The following KRCC1 variants were observed in gnomAD, a reference collection of about 807,000 sequenced individuals.
KRCC1 encodes the protein lysine-rich coiled-coil protein 1.
Under a neutral mutation model 7.4 loss-of-function variants are expected in KRCC1, and 3 were observed. That is an observed-to-expected ratio of 0.40 (90% CI 0.18 to 1.04). The LOEUF (loss-of-function observed/expected upper bound fraction) is 1.04, where lower values mean the gene tolerates loss of function less well. Among genes scored for constraint, KRCC1 ranks in the 50% least tolerant of loss-of-function variants. The pLI, the probability that KRCC1 is intolerant of heterozygous loss-of-function variation, is 0.33. For missense variants in KRCC1, 277 were observed against 300.9 expected (o/e 0.92, Z 0.59); for synonymous variants, 102 against 101.6 (o/e 1.00, Z -0.02).
intron 3 of KRCC1, among the ~76,000 whole-genome samples, chr2:88,033,220 C>T (rs1423909290): frequency 1.3e-5 from 2 of 152,010 alleles, no homozygotes; most frequent in East Asian, 2.0e-4. Flanking sequence ...CTCAATAATG[C>T]TGTTTTTACA....
chr2:88,054,464 G>C (rs538345992), intron 1 of KRCC1, among the ~76,000 whole-genome samples: 17 of 152,250 alleles, frequency 1.1e-4, no homozygotes, highest in Middle Eastern at 3.4e-3. Flanking sequence ...TCTTTCTCAA[G>C]GACCTGAAAG....
At chr2:88,038,067 C>T (rs1558833009) in intron 1 of KRCC1, among the ~76,000 whole-genome samples, 1 of 152,116 alleles carries the variant, frequency 6.6e-6, no homozygotes, top group Non-Finnish European at 1.5e-5. Context: ...TGGAGAAATG[C>T]CCATGATATA....
chr2:88,039,285 CTTAATA>C (rs1286824916), intron 1 of KRCC1, among the ~76,000 whole-genome samples: 3 of 152,162 alleles, frequency 2.0e-5, no homozygotes, highest in Non-Finnish European at 4.4e-5. Context: ...TCAAACTAAT[CTTAATA>C]TTAATGCCAG....
intron 3 of KRCC1, among the ~76,000 whole-genome samples, chr2:88,031,581 C>T (rs1672991775): frequency 6.6e-6 from 1 of 151,646 alleles, no homozygotes; most frequent in African/African-American, 2.4e-5. Context: ...GAGATCGTGC[C>T]ACTGCACTCC....
chr2:88,038,854 C>T (rs1673146772), intron 1 of KRCC1, among the ~76,000 whole-genome samples: 1 of 152,182 alleles, frequency 6.6e-6, no homozygotes, highest in Non-Finnish European at 1.5e-5. Flanking sequence ...GATTCAATTA[C>T]CTCCACCTGG....
At chr2:88,055,548 C>G (rs972445247) in intron 1 of KRCC1, 78 bp downstream of exon 1, 1 of 152,020 alleles carries the variant, frequency 6.6e-6, no homozygotes, top group East Asian at 2.0e-4. Context: ...GCGGGCTGGG[C>G]GCGCGAGGCC....
At chr2:88,032,283 C>T (rs1673009639) in intron 3 of KRCC1, among the ~76,000 whole-genome samples, 1 of 152,142 alleles carries the variant, frequency 6.6e-6, no homozygotes, top group African/African-American at 2.4e-5. Context: ...CTGCAAGCTC[C>T]TCCATTCATG....
intron 1 of KRCC1, among the ~76,000 whole-genome samples, chr2:88,053,958 T>C (rs1673556237): frequency 6.6e-6 from 1 of 152,184 alleles, no homozygotes. Context: ...ACTAAAAAAT[T>C]TGATACTGAA....
intron 1 of KRCC1, among the ~76,000 whole-genome samples, chr2:88,044,014 T>C (rs1244592869): frequency 1.3e-5 from 2 of 152,116 alleles, no homozygotes; most frequent in Non-Finnish European, 2.9e-5. Flanking sequence ...CTCTATGGGC[T>C]CAGTACAATT....
intron 1 of KRCC1, 116 bp from the exon 2 acceptor site, chr2:88,037,167 G>A (rs1673107733): frequency 6.6e-6 from 1 of 152,104 alleles, no homozygotes; most frequent in Admixed American, 6.5e-5. Flanking sequence ...CTGAGTGCTT[G>A]CAAGGCTAGA....
At chr2:88,049,924 C>T (rs1673432196) in intron 1 of KRCC1, among the ~76,000 whole-genome samples, 1 of 152,224 alleles carries the variant, frequency 6.6e-6, no homozygotes, top group African/African-American at 2.4e-5. Flanking sequence ...GTGCAGAGCA[C>T]ATATTTATGC....
chr2:88,045,103 A>C (rs1324074344), intron 1 of KRCC1, among the ~76,000 whole-genome samples: 1 of 151,814 alleles, frequency 6.6e-6, no homozygotes, highest in African/African-American at 2.4e-5. Flanking sequence ...GGGCTCAAGC[A>C]ATCTGGCCAT....
At chr2:88,050,908 A>AT (rs1168034880) in intron 1 of KRCC1, among the ~76,000 whole-genome samples, 1 of 134,832 alleles carries the variant, frequency 7.4e-6, no homozygotes, top group Non-Finnish European at 1.6e-5. Flanking sequence ...TATGCCTTCT[A>AT]TATCTTCCTT....
At chr2:88,053,239 C>T (rs754086230) in intron 1 of KRCC1, among the ~76,000 whole-genome samples, 3 of 152,118 alleles carry the variant, frequency 2.0e-5, no homozygotes, top group Non-Finnish European at 4.4e-5. Flanking sequence ...GTAGGAGAAA[C>T]TAGCACTAGA....
intron 1 of KRCC1, among the ~76,000 whole-genome samples, chr2:88,049,982 T>G (rs994350919): frequency 1.2e-4 from 18 of 152,222 alleles, no homozygotes; most frequent in Admixed American, 3.3e-4. Flanking sequence ...CTAATCCATA[T>G]TTAAAACTAC....
At chr2:88,054,977 G>A (rs985099956) in intron 1 of KRCC1, among the ~76,000 whole-genome samples, 1 of 152,192 alleles carries the variant, frequency 6.6e-6, no homozygotes, top group South Asian at 2.1e-4. Context: ...TAAATTAGAG[G>A]ATTAAAAGCA....
Position 88,028,189 on chromosome 2 carries a change from A to G in KRCC1, c.375T>C (p.Tyr125=). ...GTTCTACACCATGTGAGCCACAAAT[A>G]TATTCTTGTTGATTAAAGTTCAGGG... The part of the protein sequence containing the change: ...PVPLNFNQQE[Y]ICGSHGVEHR... The change falls in exon 4 of 4, where the codon TAT becomes TAC. Residue 125 remains tyrosine, a synonymous_variant. Coordinates refer to ENST00000347055, the MANE Select transcript of KRCC1 (RefSeq NM_016618.3). The G allele has an allele frequency of 6.2e-7, 1 of 1,614,174 alleles. No homozygotes were observed. Among genetic ancestry groups the G allele is most frequent in the Non-Finnish European group, 8.5e-7 (1 of 1,180,032 alleles).
intron 1 of KRCC1, among the ~76,000 whole-genome samples, chr2:88,052,755 A>G (rs956952076): frequency 6.6e-6 from 1 of 152,208 alleles, no homozygotes; most frequent in Non-Finnish European, 1.5e-5. Flanking sequence ...TCATCTGCTC[A>G]TAACTGTTAC....
chr2:88,038,033 G>T (rs535500271), intron 1 of KRCC1, among the ~76,000 whole-genome samples: 2 of 152,268 alleles, frequency 1.3e-5, no homozygotes, highest in Admixed American at 6.5e-5. Context: ...TTAAATGGAT[G>T]AGTTAGAATC....
Sources: gnomAD v4.1 joint callset for allele counts (sites outside exome capture counted in the v4.1 genomes callset) on GRCh38, gnomAD v4.1.1 for gene constraint, MANE v1.5 for transcripts, NCBI Gene and HGNC (gene_info 2026-07-23, HGNC 2026-07-21) for gene names.